The following CELF2 variants were observed in gnomAD, a reference collection of about 807,000 sequenced individuals.
CELF2 encodes the protein CUGBP Elav-like family member 2, also known as CUG triplet repeat RNA-binding protein 2.
A neutral mutation model predicts 62.6 loss-of-function variants in CELF2; 8 were observed. That is an observed-to-expected ratio of 0.13 (90% confidence interval 0.07 to 0.23). The LOEUF (loss-of-function observed/expected upper bound fraction) is 0.23, where lower values mean the gene tolerates loss of function less well. Ranked by LOEUF, CELF2 falls within the 10% of genes least tolerant of loss-of-function variation. The probability of loss-of-function intolerance (pLI) is 1.00; values close to 1 mark genes in which losing one functional copy is unlikely to be tolerated. For synonymous variants in CELF2, 258 were observed against 250.0 expected, an observed-to-expected ratio of 1.03 and a Z score of -0.30; for missense variants, 333 against 671.0, an observed-to-expected ratio of 0.50 and a Z score of 5.56.
the CELF2 span, among the ~76,000 whole-genome samples, chr10:10,705,641 C>A: frequency 6.6e-6 from 1 of 152,256 alleles, no homozygotes; most frequent in Admixed American, 6.5e-5. Flanking sequence ...GGGTTTGTAT[C>A]TTTCCCCCCA....
chr10:10,532,244 T>C, the CELF2 span, among the ~76,000 whole-genome samples: 2 of 152,240 alleles, frequency 1.3e-5, no homozygotes, highest in African/African-American at 4.8e-5. Flanking sequence ...ATTTGGAAAG[T>C]TTTTAGTAAT....
chr10:10,955,583 T>C (rs1326009002), intron 2 of CELF2, among the ~76,000 whole-genome samples: 1 of 152,222 alleles, frequency 6.6e-6, no homozygotes, highest in Non-Finnish European at 1.5e-5. Context: ...TAGGTACTGT[T>C]ACTATAACCA....
At position 11,165,217 on chromosome 10, in the gene CELF2, G is replaced by C. The variant is rs2066702732; in HGVS notation, c.75-269G>C. The C allele has an allele frequency of 1.5e-6, 2 of 1,298,956 alleles. No individual in the cohort carries two copies. Among genetic ancestry groups the C allele is most frequent in the East Asian group, 3.5e-5 (1 of 28,476 alleles). 80.5% of individuals were successfully genotyped at this position (1,298,956 alleles called of 1,614,324 possible). On this transcript the variant is annotated intron_variant, in intron 1 of 12. Transcript: ENST00000633077. This position sits in a 1 kb window ranked among gnomAD's most constrained non-coding sequence, Gnocchi z 7.4. Reference sequence around the variant, plus strand: ...CCTCCCGAGCCTCCAAGATGTCCACGCCCTGGGTGACAGGCGGCAGGGCGC... The same window carrying C: ...CCTCCCGAGCCTCCAAGATGTCCACCCCCTGGGTGACAGGCGGCAGGGCGC...
chr10:10,507,446 A>T, the CELF2 span, among the ~76,000 whole-genome samples: 1 of 152,122 alleles, frequency 6.6e-6, no homozygotes, highest in Non-Finnish European at 1.5e-5. Context: ...TTGTTCTCAG[A>T]GTCTCAACAG....
chr10:10,605,140 A>G, the CELF2 span, among the ~76,000 whole-genome samples: 1 of 152,234 alleles, frequency 6.6e-6, no homozygotes, highest in African/African-American at 2.4e-5. Context: ...ATGAAGCTGG[A>G]AGGCGTTATC....
chr10:11,054,547 T>C (rs565480290), intron 1 of CELF2, among the ~76,000 whole-genome samples: 1 of 151,598 alleles, frequency 6.6e-6, no homozygotes, highest in African/African-American at 2.4e-5. Flanking sequence ...TTTAACTTAA[T>C]GTCAATTTAT....
At chr10:10,666,585 G>GGTTTAACCTTTAGCCTATTTTCAGTGGTT in the CELF2 span, among the ~76,000 whole-genome samples, 18 of 137,048 alleles carry the variant, frequency 1.3e-4, no homozygotes, top group South Asian at 2.9e-4. Flanking sequence ...GAAAGAGGCC[G>GGTTTAACCTTTAGCCTATTTTCAGTGGTT]GGCGCGGTGG....
At chr10:10,532,372 G>A in the CELF2 span, among the ~76,000 whole-genome samples, 1 of 152,170 alleles carries the variant, frequency 6.6e-6, no homozygotes, top group Admixed American at 6.5e-5. Flanking sequence ...AGATTGACTT[G>A]GCATATATGT....
intron 2 of CELF2, among the ~76,000 whole-genome samples, chr10:11,184,346 CGTTCCTCATTTTCAAA>C (rs2074278637): frequency 6.6e-6 from 1 of 152,204 alleles, no homozygotes; most frequent in Non-Finnish European, 1.5e-5. Flanking sequence ...CTTCCAACTT[CGTTCCTCATTTTCAAA>C]GTTGTTTTGG....
chr10:10,792,110 G>C, the CELF2 span, among the ~76,000 whole-genome samples: 4 of 149,792 alleles, frequency 2.7e-5, no homozygotes, highest in South Asian at 6.2e-4. Flanking sequence ...CCTCACCACA[G>C]TGGGAAGTAC....
chr10:11,239,779 C>T (rs993507041), intron 3 of CELF2, among the ~76,000 whole-genome samples: 2 of 152,050 alleles, frequency 1.3e-5, no homozygotes, highest in Admixed American at 1.3e-4. Flanking sequence ...AGTTTTCTGA[C>T]AAGGCACAGT....
Position 10,992,163 on chromosome 10 carries a change from A to C in CELF2, c.89+72164A>C, listed in dbSNP as rs552179856. Among the ~76,000 whole-genome samples the C allele has an allele frequency of 5.9e-5, 9 of 152,358 alleles. No homozygotes were observed. In the South Asian group the frequency reaches 1.9e-3, roughly 32 times the overall value. ...TATTCCACAGTGCAGTGGTTTGCAGAAATAAATGTTTATTCTTACACTTAT... is the reference window on the plus strand; with the variant it reads ...TATTCCACAGTGCAGTGGTTTGCAGCAATAAATGTTTATTCTTACACTTAT... On this transcript the variant is annotated intron_variant, in intron 2 of 13. Transcript: ENST00000636488.
At position 11,242,826 on chromosome 10, in the gene CELF2, G is replaced by A. The variant is rs1361756321; in HGVS notation, c.355-6327G>A. ...GGGAGAAGAGGTGGGAGGACCATGG[G>A]CTGCTTATCCCCAGGAGGTGGGACG... is the stretch of plus-strand genomic sequence containing the variant. On this transcript the variant is annotated intron_variant, in intron 3 of 12. Transcript: ENST00000633077. This position sits in a 1 kb window ranked among gnomAD's most constrained non-coding sequence, Gnocchi z 4.8. 6.6e-6 allele frequency among the ~76,000 whole-genome samples: 1 copy of A among 152,060 alleles called. No individual in the cohort carries two copies. Among genetic ancestry groups the A allele is most frequent in the African/African-American group, 2.4e-5 (1 of 41,392 alleles).
upstream of CELF2, among the ~76,000 whole-genome samples, chr10:11,003,251 C>G (rs979568762): frequency 1.3e-5 from 2 of 152,140 alleles, no homozygotes; most frequent in African/African-American, 2.4e-5. The surrounding 1 kb of genome is among the most constrained non-coding windows in gnomAD (Gnocchi z 4.4). Context: ...AGTTCCAGTC[C>G]TTACTACCAT....
In CELF2 at chr10:10,936,237, T is replaced by C. The variant is rs1262078533; in HGVS notation, c.89+16238T>C. 6.6e-6 allele frequency among the ~76,000 whole-genome samples: 1 copy of C among 152,032 alleles called. No individual in the cohort carries two copies. Among genetic ancestry groups the C allele is most frequent in the Non-Finnish European group, 1.5e-5 (1 of 67,996 alleles). On this transcript the variant is annotated intron_variant, in intron 2 of 13. Transcript: ENST00000636488. This position sits in a 1 kb window ranked among gnomAD's most constrained non-coding sequence, Gnocchi z 4.0. ...AGTCTTGCAGAGGTTAGAAAGAAGG[T>C]AAAGAAATGGTTACTTTGAATGGAG...
At chr10:10,878,203 A>C (rs11256888) in intron 1 of CELF2, among the ~76,000 whole-genome samples, 19,729 of 152,188 alleles carry the variant, frequency 0.13, 1,544 homozygotes, top group Non-Finnish European at 0.18. Flanking sequence ...ACTCTAATAG[A>C]ATCCTTCACT....
intron 1 of CELF2, among the ~76,000 whole-genome samples, chr10:11,081,834 G>C (rs923062674): frequency 5.3e-5 from 8 of 152,196 alleles, no homozygotes; most frequent in Admixed American, 3.3e-4. Context: ...AGGCTTTCAG[G>C]ACACATTCAT....
At chr10:10,856,328 T>C (rs1279439684) in intron 1 of CELF2, among the ~76,000 whole-genome samples, 2 of 152,174 alleles carry the variant, frequency 1.3e-5, no homozygotes, top group Non-Finnish European at 2.9e-5. Flanking sequence ...AAACCCAGAA[T>C]TCATCCACAA....
intron 1 of CELF2, among the ~76,000 whole-genome samples, chr10:10,800,663 T>A (rs747545428): frequency 3.9e-5 from 6 of 152,204 alleles, no homozygotes; most frequent in Non-Finnish European, 8.8e-5. Flanking sequence ...ATAATGAACA[T>A]CTTTGTGTAC....
Sources: allele counts gnomAD v4.1 joint callset (sites outside exome capture counted in the v4.1 genomes callset), GRCh38; gene constraint gnomAD v4.1.1; non-coding constraint Gnocchi (gnomAD v3.1); transcripts MANE v1.5; gene names NCBI Gene and HGNC (gene_info 2026-07-23, HGNC 2026-07-21).